MCC: variants seen among roughly 807,000 people sequenced by gnomAD.
MCC encodes the protein MCC regulator of Wnt signaling pathway, also known as colorectal mutant cancer protein.
In MCC, 90 loss-of-function variants were observed where a neutral mutation model predicts 116.2. The observed-to-expected ratio is 0.77, with a 90% confidence interval of 0.65 to 0.92. The LOEUF is 0.92. Among genes scored for constraint, MCC ranks in the 40% least tolerant of loss-of-function variants. MCC has a pLI of 0.00. For missense variants in MCC, 1,516 were observed against 1,312.2 expected (o/e 1.16, Z -2.40); for synonymous variants, 578 against 510.5 (o/e 1.13, Z -1.78).
At chr5:113,209,579 G>A (rs192328607) in intron 3 of MCC, among the ~76,000 whole-genome samples, 3 of 152,324 alleles carry the variant, frequency 2.0e-5, no homozygotes, top group Admixed American at 2.0e-4. Flanking sequence ...ACCCAGTATA[G>A]GAATTTCTTC....
At chr5:113,073,130 A>T (rs541683364) in intron 11 of MCC, among the ~76,000 whole-genome samples, 40 of 145,822 alleles carry the variant, frequency 2.7e-4, no homozygotes, top group Non-Finnish European at 4.7e-4. Flanking sequence ...AGTGTATTTT[A>T]TGTTTGGCCC....
chr5:113,080,568 C>G (rs150572258), intron 11 of MCC, among the ~76,000 whole-genome samples: 1 of 152,134 alleles, frequency 6.6e-6, no homozygotes, highest in Non-Finnish European at 1.5e-5. Flanking sequence ...AAACCAAACA[C>G]CACATGTTCT....
chr5:113,217,401 G>C (rs1180337526), intron 3 of MCC, among the ~76,000 whole-genome samples: 1 of 152,150 alleles, frequency 6.6e-6, no homozygotes, highest in Non-Finnish European at 1.5e-5. Context: ...ATAATCAAAA[G>C]GACAATATTA....
chr5:113,038,449 C>A (rs1751466749), intron 17 of MCC, among the ~76,000 whole-genome samples: 1 of 151,978 alleles, frequency 6.6e-6, no homozygotes, highest in South Asian at 2.1e-4. Flanking sequence ...AAGAAATGAG[C>A]AATGAAATGT....
chr5:113,081,225 A>C (rs148965548), intron 11 of MCC, among the ~76,000 whole-genome samples: 5 of 152,208 alleles, frequency 3.3e-5, no homozygotes, highest in Non-Finnish European at 7.3e-5. Flanking sequence ...CTAGGATCAC[A>C]GAGATGACAA....
At chr5:113,260,398 T>C (rs534675317) in intron 3 of MCC, among the ~76,000 whole-genome samples, 2 of 152,306 alleles carry the variant, frequency 1.3e-5, no homozygotes, top group East Asian at 3.9e-4. Context: ...TAGAGCTTCA[T>C]GCCTGCTTCT....
At chr5:113,144,391 A>G (rs1759366770) in intron 4 of MCC, among the ~76,000 whole-genome samples, 1 of 152,188 alleles carries the variant, frequency 6.6e-6, no homozygotes, top group Non-Finnish European at 1.5e-5. Context: ...GCTTCGATTA[A>G]TTTCCTGTCA....
At chr5:113,154,668 T>C (rs929688934) in intron 3 of MCC, among the ~76,000 whole-genome samples, 17 of 152,226 alleles carry the variant, frequency 1.1e-4, no homozygotes, top group Admixed American at 3.3e-4. Flanking sequence ...AGAGTGTTTG[T>C]GAGCGATGCT....
chr5:113,357,206 C>T (rs1768435677), intron 2 of MCC, among the ~76,000 whole-genome samples: 1 of 152,162 alleles, frequency 6.6e-6, no homozygotes. Context: ...CAATCCCTGG[C>T]ATATGGTAAA....
At chr5:113,155,138 T>G (rs1760100780) in intron 3 of MCC, among the ~76,000 whole-genome samples, 1 of 152,212 alleles carries the variant, frequency 6.6e-6, no homozygotes, top group African/African-American at 2.4e-5. Context: ...ATGTGATATT[T>G]GTCTTTATGT....
chr5:113,074,566 C>T (rs555645337), intron 11 of MCC, among the ~76,000 whole-genome samples: 206 of 105,996 alleles, frequency 1.9e-3, no homozygotes, highest in African/African-American at 4.4e-3. Flanking sequence ...AGGCTTCAGA[C>T]GATAGATAAT....
At chr5:113,203,926 C>T (rs542374365) in intron 3 of MCC, among the ~76,000 whole-genome samples, 9 of 152,218 alleles carry the variant, frequency 5.9e-5, no homozygotes, top group Non-Finnish European at 1.2e-4. Context: ...TTAACTTTGC[C>T]CATTCAGATT....
intron 5 of MCC, among the ~76,000 whole-genome samples, chr5:113,136,468 T>C (rs914603610): frequency 5.3e-5 from 8 of 152,068 alleles, no homozygotes; most frequent in African/African-American, 1.9e-4. Flanking sequence ...CTTTGAGTAA[T>C]CGTAGCTCTC....
In MCC at chr5:113,434,620, T is replaced by A. The variant is rs1323542045; in HGVS notation, c.171-49408A>T. 1 of 1,613,946 alleles carries A rather than the reference T, an allele frequency of 6.2e-7. No individual in the cohort carries two copies. The highest frequency in any genetic ancestry group is 8.5e-7 in the Non-Finnish European group (1 of 1,179,896). On this transcript the variant is annotated intron_variant, in intron 1 of 18. Coordinates refer to ENST00000408903, the MANE Select transcript of MCC (RefSeq NM_001085377.2). The surrounding 1 kb of genome is among the most constrained non-coding windows in gnomAD (Gnocchi z 4.2). ...GATGTCTCAAAGATCTCGTAGGTCT[T>A]AATGATGGAGCAGTGGTTTAACATG...
At chr5:113,332,913 T>C (rs1446795087) in intron 3 of MCC, among the ~76,000 whole-genome samples, 2 of 151,708 alleles carry the variant, frequency 1.3e-5, no homozygotes, top group Admixed American at 1.3e-4. Context: ...AGTAATCTTT[T>C]TGCTTTATTT....
rs562033030 is a variant in MCC at position 113,238,530 on chromosome 5, C to T, written c.628-87108G>A. The stretch of plus-strand genomic sequence containing the variant: ...CTAACAAAAAAATCCTGGTGCTTTA[C>T]GACAGACCCAATTTTGCTTACAGAT... On this transcript the variant is annotated intron_variant, in intron 3 of 18. Transcript: ENST00000408903. Among the ~76,000 whole-genome samples, 17 of 152,260 alleles carry T rather than the reference C, an allele frequency of 1.1e-4. No individual in the cohort carries two copies. The South Asian group carries it at 1.7e-3, about 15-fold the overall frequency.
chr5:113,288,180 T>G (rs567011933), intron 3 of MCC, among the ~76,000 whole-genome samples: 10 of 152,356 alleles, frequency 6.6e-5, no homozygotes, highest in African/African-American at 2.2e-4. Flanking sequence ...CATGCAGCCG[T>G]GGCCACTAAC....
At chr5:113,105,439 A>C (rs1389310870) in intron 6 of MCC, among the ~76,000 whole-genome samples, 2 of 152,162 alleles carry the variant, frequency 1.3e-5, no homozygotes, top group Non-Finnish European at 2.9e-5. Context: ...TTTGTAAATT[A>C]CCTAAATCTA....
At chr5:113,257,939 A>C (rs1337200370) in intron 3 of MCC, among the ~76,000 whole-genome samples, 1 of 152,188 alleles carries the variant, frequency 6.6e-6, no homozygotes, top group Non-Finnish European at 1.5e-5. Context: ...AGCAGTGCAG[A>C]AACTTGCAGG....
Sources: gnomAD v4.1 joint callset for allele counts (sites outside exome capture counted in the v4.1 genomes callset) on GRCh38, gnomAD v4.1.1 for gene constraint, Gnocchi (gnomAD v3.1) non-coding constraint, MANE v1.5 for transcripts, NCBI Gene and HGNC (gene_info 2026-07-23, HGNC 2026-07-21) for gene names.